TAS2R1: variants seen among roughly 807,000 people sequenced by gnomAD.
TAS2R1 encodes the protein taste receptor type 2 member 1.
For missense variants in TAS2R1, 370 were observed against 353.4 expected (o/e 1.05, Z -0.38); for synonymous variants, 141 against 134.2 (o/e 1.05, Z -0.35).
chr5:9,758,392 G>C, the TAS2R1 span, among the ~76,000 whole-genome samples: 1 of 152,102 alleles, frequency 6.6e-6, no homozygotes, highest in Admixed American at 6.6e-5. Flanking sequence ...AACTGCCCCA[G>C]GTCAAAATAA....
intron 1 of TAS2R1, among the ~76,000 whole-genome samples, chr5:9,694,463 A>C (rs1330470566): frequency 6.6e-6 from 1 of 152,198 alleles, no homozygotes; most frequent in Non-Finnish European, 1.5e-5. Context: ...TTGTTACCCT[A>C]CTTACAAAAC....
the TAS2R1 span, among the ~76,000 whole-genome samples, chr5:9,792,969 C>T: frequency 1.3e-5 from 2 of 152,124 alleles, no homozygotes; most frequent in Non-Finnish European, 2.9e-5. Flanking sequence ...CAACATCTCA[C>T]CACTGTGCTA....
chr5:9,647,243 C>T (rs1271307838), intron 2 of TAS2R1, among the ~76,000 whole-genome samples: 1 of 152,172 alleles, frequency 6.6e-6, no homozygotes, highest in East Asian at 1.9e-4. Flanking sequence ...AACAAAGATG[C>T]ATAAGACCCT....
chr5:9,727,195 T>C, the TAS2R1 span, among the ~76,000 whole-genome samples: 1 of 152,206 alleles, frequency 6.6e-6, no homozygotes, highest in African/African-American at 2.4e-5. Flanking sequence ...TTCTTCCTCA[T>C]TCCATCCTTG....
rs968173414 is a variant in TAS2R1, at chr5:9,709,502, C to T, written c.-242+2670G>A. The stretch of plus-strand genomic sequence containing the variant: ...CCTTGCATTTATACCCTTATGAAGT[C>T]CCCTCCCACTGGTTGGGTGTGGCCA... On this transcript the variant is annotated intron_variant, in intron 1 of 2. Transcript: ENST00000506620. Among the ~76,000 whole-genome samples, 6 of 152,268 alleles carry T rather than the reference C, an allele frequency of 3.9e-5. No homozygotes were observed. The East Asian group carries it at 5.8e-4, about 15-fold the overall frequency.
the TAS2R1 span, among the ~76,000 whole-genome samples, chr5:9,845,680 C>T: frequency 3.3e-5 from 5 of 152,152 alleles, no homozygotes; most frequent in South Asian, 2.1e-4. Context: ...AGGCTGAAGC[C>T]GTAATACAAT....
At chr5:9,835,079 G>T in the TAS2R1 span, among the ~76,000 whole-genome samples, 1 of 152,278 alleles carries the variant, frequency 6.6e-6, no homozygotes, top group African/African-American at 2.4e-5. Flanking sequence ...TTCAACATCT[G>T]CCCCCAGCTT....
the TAS2R1 span, among the ~76,000 whole-genome samples, chr5:9,841,338 A>G: frequency 6.6e-6 from 1 of 152,158 alleles, no homozygotes; most frequent in African/African-American, 2.4e-5. Flanking sequence ...AAAAAATTAT[A>G]CATTTATTGG....
the TAS2R1 span, among the ~76,000 whole-genome samples, chr5:9,815,994 C>T: frequency 1.3e-5 from 2 of 152,128 alleles, no homozygotes; most frequent in African/African-American, 2.4e-5. Flanking sequence ...AACTAATCAA[C>T]AGCCTGGACA....
the TAS2R1 span, among the ~76,000 whole-genome samples, chr5:9,882,022 C>T: frequency 6.6e-6 from 1 of 152,182 alleles, no homozygotes. Context: ...TCTAATTAAA[C>T]TAAAGAGCTT....
chr5:9,825,824 A>G, the TAS2R1 span, among the ~76,000 whole-genome samples: 2 of 152,000 alleles, frequency 1.3e-5, no homozygotes, highest in Non-Finnish European at 2.9e-5. Context: ...GCTTAATCCT[A>G]TTTTTTTTGT....
the TAS2R1 span, among the ~76,000 whole-genome samples, chr5:9,808,635 A>G: frequency 2.6e-5 from 4 of 152,202 alleles, no homozygotes; most frequent in Admixed American, 2.6e-4. Context: ...ATTAGCAAAA[A>G]CTTTGACAAG....
At chr5:9,783,667 ATCTT>A in the TAS2R1 span, among the ~76,000 whole-genome samples, 2 of 152,230 alleles carry the variant, frequency 1.3e-5, no homozygotes, top group African/African-American at 4.8e-5. Context: ...GAATATTTCA[ATCTT>A]TCTTTCTTTT....
rs1739845917 is a variant in TAS2R1 at position 9,630,114 on chromosome 5, T to G, written c.-82A>C. 2.5e-6 allele frequency: 3 copies of G among 1,195,500 alleles called. No individual in the cohort carries two copies. The highest frequency in any genetic ancestry group is 2.3e-6 in the Non-Finnish European group (2 of 871,244). 74.1% of individuals were successfully genotyped at this position (1,195,500 alleles called of 1,614,324 possible). On this transcript the variant is annotated 5_prime_UTR_variant, in exon 1 of 1. The change abolishes the stop of an existing upstream ORF in the 5' untranslated region. Transcript: ENST00000382492. ...GGTTGGGTTGTTCACGCTCTTCAAT[T>G]AGATCAGGACTCCTCTGGGGAAGAA...
the TAS2R1 span, among the ~76,000 whole-genome samples, chr5:9,830,454 C>T: frequency 1.3e-5 from 2 of 151,688 alleles, no homozygotes; most frequent in African/African-American, 4.9e-5. Context: ...AGATGACAGA[C>T]ACAAAAATAG....
chr5:9,754,016 C>G, the TAS2R1 span, among the ~76,000 whole-genome samples: 2 of 152,138 alleles, frequency 1.3e-5, no homozygotes, highest in East Asian at 3.9e-4. Context: ...CAATAAAATA[C>G]TGGCAAACCA....
chr5:9,720,039 C>A, the TAS2R1 span, among the ~76,000 whole-genome samples: 15 of 151,912 alleles, frequency 9.9e-5, no homozygotes, highest in African/African-American at 1.5e-4. Flanking sequence ...CCTCTACTCA[C>A]CTTTTAAATG....
chr5:9,661,958 G>C (rs1332374544), intron 1 of TAS2R1, among the ~76,000 whole-genome samples: 1 of 152,178 alleles, frequency 6.6e-6, no homozygotes, highest in African/African-American at 2.4e-5. Flanking sequence ...GATTTGGCTA[G>C]AGGTTCTTCT....
the TAS2R1 span, among the ~76,000 whole-genome samples, chr5:9,841,432 A>G: frequency 6.6e-6 from 1 of 152,018 alleles, no homozygotes; most frequent in Admixed American, 6.6e-5. Flanking sequence ...CAGCCTGGAT[A>G]TTTTCTACTT....
Sources: allele counts gnomAD v4.1 joint callset (sites outside exome capture counted in the v4.1 genomes callset), GRCh38; gene constraint gnomAD v4.1.1; transcripts MANE v1.5; gene names NCBI Gene and HGNC (gene_info 2026-07-23, HGNC 2026-07-21).